Variants in KIR2DL4 observed in about 807,000 individuals in gnomAD.
The protein encoded by KIR2DL4 is killer cell immunoglobulin like receptor, two Ig domains and long cytoplasmic tail 4.
In KIR2DL4, 41 loss-of-function variants were observed where a neutral mutation model predicts 31.0. The observed-to-expected ratio is 1.32, with a 90% CI of 1.03 to 1.72. KIR2DL4 has a LOEUF of 1.72. Among genes scored for constraint, KIR2DL4 ranks in the 40% most tolerant of loss-of-function variants. The pLI is 0.00. For missense variants in KIR2DL4, 438 were observed against 353.7 expected (o/e 1.24, Z -1.91); for synonymous variants, 164 against 133.6 (o/e 1.23, Z -1.57).
chr19:54,806,204 G>A (rs878920557), exon 4 of KIR2DL4: 4 of 1,611,090 alleles, frequency 2.5e-6, no homozygotes, highest in African/African-American at 2.7e-5. Context: ...CTCCCTACGA[G>A]TGGTCAGACC....
intron 5 of KIR2DL4, among the ~76,000 whole-genome samples, chr19:54,811,070 A>G (rs2060839159): frequency 6.6e-6 from 1 of 151,494 alleles, no homozygotes; most frequent in South Asian, 2.1e-4. Flanking sequence ...TGAGAGATAC[A>G]TGAGGGGTGG....
At chr19:54,812,641 C>T (rs1431449995) in intron 5 of KIR2DL4, among the ~76,000 whole-genome samples, 2 of 150,450 alleles carry the variant, frequency 1.3e-5, no homozygotes, top group Admixed American at 1.3e-4. Context: ...TGCTCCCACA[C>T]TGACAGAAGA....
chr19:54,807,918 A>G (rs2060623854), intron 4 of KIR2DL4, among the ~76,000 whole-genome samples: 1 of 150,848 alleles, frequency 6.6e-6, no homozygotes, highest in African/African-American at 2.5e-5. Context: ...TTGTGACTTC[A>G]TTTGCATTTC....
Position 54,813,515 on chromosome 19 carries a change from C to G in KIR2DL4, c.811-175C>G, listed in dbSNP as rs548986354. On this transcript the variant is annotated intron_variant, in intron 6 of 7. Coordinates refer to ENST00000359085, the Ensembl canonical transcript of KIR2DL4. ...ATAGAATCAATGGGATGGGAACTGA[C>G]AGCTATTCATGGAATGGGGTCTTGC... 2.0e-5 allele frequency among the ~76,000 whole-genome samples: 3 copies of G among 150,928 alleles called. No homozygotes were observed. In the South Asian group the frequency reaches 6.4e-4, roughly 32 times the overall value.
rs558263071 is a variant in KIR2DL4 at position 54,805,140 on chromosome 19, G to A, written c.361+63G>A. Reference sequence around the variant, plus strand: ...CTCCTGAGTCCCAGAGCTTCTGGTGGGGGTGTCCACCAGAGTCCGATCATC... The same window carrying A: ...CTCCTGAGTCCCAGAGCTTCTGGTGAGGGTGTCCACCAGAGTCCGATCATC... On this transcript the variant is annotated intron_variant, in intron 3 of 7. Coordinates refer to ENST00000359085, the Ensembl canonical transcript of KIR2DL4. 66 of 1,490,708 alleles carry A rather than the reference G, an allele frequency of 4.4e-5. 3 individuals carry two copies. In the African/African-American group the frequency reaches 8.1e-4, roughly 18 times the overall value. 92.3% of individuals were successfully genotyped at this position (1,490,708 alleles called of 1,614,324 possible).
rs879132914 is a variant in KIR2DL4, at chr19:54,806,305, C to T, written c.655+61C>T. On this transcript the variant is annotated intron_variant, in intron 4 of 7. Coordinates refer to ENST00000359085, the Ensembl canonical transcript of KIR2DL4. ...TCCTAGAGCCTTAGCTGAGGAGCTT[C>T]CTGCTGATGATGGAGAGAAGCATGG... 1.2e-5 allele frequency: 18 copies of T among 1,502,544 alleles called. No homozygotes were observed. The South Asian group carries it at 1.3e-4, about 11-fold the overall frequency. 93.1% of individuals were successfully genotyped at this position (1,502,544 alleles called of 1,614,324 possible).
chr19:54,812,009 C>T (rs1178797723), intron 5 of KIR2DL4, among the ~76,000 whole-genome samples: 8 of 151,286 alleles, frequency 5.3e-5, no homozygotes, highest in Non-Finnish European at 8.8e-5. Context: ...ACTGTTTTTT[C>T]CTTTTCTTGG....
rs1569354716 is a variant in KIR2DL4 at position 54,805,040 on chromosome 19, G to A, written c.324G>A (p.Trp108Ter). 2 of 1,610,028 alleles carry A rather than the reference G, an allele frequency of 1.2e-6. No homozygotes were observed. Among genetic ancestry groups the A allele is most frequent in the African/African-American group, 1.3e-5 (1 of 74,116 alleles). ...TTCACCCGCACTCCCCCACTGAGTG[G>A]TCGGCACCCAGCAACCCCCTGGTGA... The change falls in exon 3 of 8, where the codon TGG becomes TGA. Residue 108 changes from tryptophan to a stop codon, truncating the protein, a stop_gained. Transcript: ENST00000359085. LOFTEE classifies it high-confidence loss of function.
rs1325223937 is a variant in KIR2DL4, at chr19:54,808,012, C to A, written c.656-821C>A. On this transcript the variant is annotated intron_variant, in intron 4 of 7. Transcript: ENST00000359085. Reference sequence around the variant, plus strand: ...GTATGTTTTGTTCATTGAGAAATGTCTGTTCAGGTCTTTTACTAATTTTAT... The same window carrying A: ...GTATGTTTTGTTCATTGAGAAATGTATGTTCAGGTCTTTTACTAATTTTAT... 2.6e-5 allele frequency among the ~76,000 whole-genome samples: 4 copies of A among 151,238 alleles called. 1 individual carries two copies. The highest frequency in any genetic ancestry group is 2.6e-4 in the Admixed American group (4 of 15,214).
intron 4 of KIR2DL4, among the ~76,000 whole-genome samples, chr19:54,808,086 A>C (rs1212343709): frequency 1.8e-4 from 27 of 150,920 alleles, no homozygotes; most frequent in Non-Finnish European, 2.2e-4. Context: ...TTTATATTCT[A>C]GTTATTAATC....
rs1287189977 is a variant in KIR2DL4, at chr19:54,809,671, T to G, written c.706+788T>G. Among the ~76,000 whole-genome samples the G allele has an allele frequency of 3.3e-5, 5 of 151,296 alleles. 1 individual carries two copies. Among genetic ancestry groups the G allele is most frequent in the Non-Finnish European group, 7.4e-5 (5 of 67,936 alleles). On this transcript the variant is annotated intron_variant, in intron 5 of 7. Coordinates refer to ENST00000359085, the Ensembl canonical transcript of KIR2DL4. ...TTCCTCCCTCAAAGTCCACAAAGGC[T>G]GGTCACGCCTCTCACACGGCATCAC...
chr19:54,806,254 G>A lies in KIR2DL4; in HGVS notation c.655+10G>A, dbSNP rs1050957930. ...CCTGTTTCTGTCACAGGTGAGGAAA[G>A]CCAATGTCTGTCCCATGTCCTATGG... is the stretch of plus-strand genomic sequence containing the variant. On this transcript the variant is annotated intron_variant, in intron 4 of 7. Coordinates refer to ENST00000359085, the Ensembl canonical transcript of KIR2DL4. 24 of 1,607,014 alleles carry A rather than the reference G, an allele frequency of 1.5e-5. No homozygotes were observed. Among genetic ancestry groups the A allele is most frequent in the Non-Finnish European group, 1.9e-5 (22 of 1,177,182 alleles).
Position 54,806,449 on chromosome 19 carries a change from G to A in KIR2DL4, c.655+205G>A, listed in dbSNP as rs1050474137. Among the ~76,000 whole-genome samples the A allele has an allele frequency of 1.5e-4, 22 of 150,220 alleles. 1 individual carries two copies. The highest frequency in any genetic ancestry group is 2.6e-4 in the Admixed American group (4 of 15,096). ...CATGGAAGCTTGCAGTAAGGGCTCC[G>A]GGTACCCAGGCAGATGGAGAAAGTG... On this transcript the variant is annotated intron_variant, in intron 4 of 7. Coordinates refer to ENST00000359085, the Ensembl canonical transcript of KIR2DL4.
At chr19:54,813,141 G>T (rs371301480) in exon 6 of KIR2DL4, 4 of 1,502,888 alleles carry the variant, frequency 2.7e-6, no homozygotes, top group Non-Finnish European at 2.7e-6. Context: ...CCAGACACCT[G>T]CATGCTGTGA....
intron 5 of KIR2DL4, among the ~76,000 whole-genome samples, chr19:54,810,316 C>A (rs1172781783): frequency 6.6e-6 from 1 of 150,586 alleles, no homozygotes; most frequent in African/African-American, 2.5e-5. Flanking sequence ...TTAGTACAGA[C>A]AAGGTTTTAC....
chr19:54,805,042 C>T (rs970722915), exon 3 of KIR2DL4: 9 of 1,609,410 alleles, frequency 5.6e-6, no homozygotes, highest in Admixed American at 5.0e-5. Flanking sequence ...ACTGAGTGGT[C>T]GGCACCCAGC....
intron 4 of KIR2DL4, among the ~76,000 whole-genome samples, chr19:54,807,609 T>C (rs1319967152): frequency 6.7e-6 from 1 of 149,210 alleles, no homozygotes; most frequent in African/African-American, 2.5e-5. Context: ...GGCTGATTTT[T>C]GTATTTTTAG....
chr19:54,804,830 C>A (rs769865663), exon 3 of KIR2DL4: 6 of 1,612,152 alleles, frequency 3.7e-6, no homozygotes, highest in African/African-American at 2.7e-5. Flanking sequence ...CCTGGCCCAG[C>A]GCTGTGGTGC....
At chr19:54,814,010 C>T in exon 8 of KIR2DL4, 1 of 1,612,372 alleles carries the variant, frequency 6.2e-7, no homozygotes, top group South Asian at 1.1e-5. Context: ...GTCTCCTGCC[C>T]ATGAGCACCA....
Sources: gnomAD v4.1 joint callset for allele counts (sites outside exome capture counted in the v4.1 genomes callset) on GRCh38, gnomAD v4.1.1 for gene constraint, MANE v1.5 for transcripts, NCBI Gene and HGNC (gene_info 2026-07-23, HGNC 2026-07-21) for gene names.